The following PCDHA1 variants were observed in gnomAD, a reference collection of about 807,000 sequenced individuals.
PCDHA1 encodes protocadherin alpha 1, also known as protocadherin alpha-1.
Under a neutral mutation model 61.3 loss-of-function variants are expected in PCDHA1, and 42 were observed. That is an observed-to-expected ratio of 0.69 (90% CI 0.54 to 0.89). The LOEUF (loss-of-function observed/expected upper bound fraction) is 0.89, where lower values mean the gene tolerates loss of function less well. PCDHA1 is among the 40% of genes least tolerant of loss of function. The pLI, the probability that PCDHA1 is intolerant of heterozygous loss-of-function variation, is 0.00. For synonymous variants in PCDHA1, 610 were observed against 553.8 expected (o/e 1.10, Z -1.43); for missense variants, 1,256 against 1,235.3 (o/e 1.02, Z -0.25).
At chr5:140,924,895 AAAAAAAAAAAT>A (rs1321698386) in intron 1 of PCDHA1, among the ~76,000 whole-genome samples, 1,704 of 132,168 alleles carry the variant, frequency 0.013, 31 homozygotes, top group African/African-American at 0.056. Flanking sequence ...AACCTGTCTC[AAAAAAAAAAAT>A]AAAATAAAAT....
intron 1 of PCDHA1, among the ~76,000 whole-genome samples, chr5:140,838,259 G>T (rs975965491): frequency 6.8e-6 from 1 of 146,930 alleles, no homozygotes; most frequent in Admixed American, 6.9e-5. Flanking sequence ...GATTAAAGAC[G>T]CCAACAACCA....
intron 1 of PCDHA1, chr5:140,828,167 G>T (rs2150151697): frequency 2.5e-6 from 4 of 1,614,056 alleles, no homozygotes; most frequent in Non-Finnish European, 3.4e-6. Context: ...AGCCTGGAAG[G>T]TGGGGAGCGG....
chr5:140,863,120 C>T, intron 1 of PCDHA1: 4 of 591,460 alleles, frequency 6.8e-6, no homozygotes, highest in Non-Finnish European at 1.0e-5. Context: ...GCGAAAGCTA[C>T]GCGCCACCGC....
intron 1 of PCDHA1, chr5:140,808,873 G>T (rs782251323): frequency 3.7e-6 from 6 of 1,613,080 alleles, no homozygotes; most frequent in Non-Finnish European, 5.1e-6. Flanking sequence ...ACGACAACGC[G>T]CCAGCACTGC....
chr5:140,870,766 C>T, intron 1 of PCDHA1: 1 of 1,613,562 alleles, frequency 6.2e-7, no homozygotes, highest in Non-Finnish European at 8.5e-7. Context: ...GGTGTTCGTG[C>T]TGGACGAGAA....
chr5:140,928,474 C>T, intron 1 of PCDHA1: 1 of 1,614,090 alleles, frequency 6.2e-7, no homozygotes, highest in Non-Finnish European at 8.5e-7. Flanking sequence ...AGTAGAAGGC[C>T]GGGATGGTGG....
chr5:140,893,781 G>A (rs113070458), intron 1 of PCDHA1, among the ~76,000 whole-genome samples: 3 of 151,996 alleles, frequency 2.0e-5, no homozygotes, highest in African/African-American at 4.8e-5. Flanking sequence ...TTCTTTTACC[G>A]TTTTTAGAAT....
intron 3 of PCDHA1, among the ~76,000 whole-genome samples, chr5:141,005,862 G>A (rs376850991): frequency 6.6e-6 from 1 of 152,012 alleles, no homozygotes; most frequent in Non-Finnish European, 1.5e-5. Flanking sequence ...CAGGAGGGTC[G>A]ATTGAGTCCA....
At chr5:140,925,190 A>G (rs2082378036) in intron 1 of PCDHA1, among the ~76,000 whole-genome samples, 1 of 152,192 alleles carries the variant, frequency 6.6e-6, no homozygotes, top group Non-Finnish European at 1.5e-5. Context: ...ACCATCACCC[A>G]GCTTCAATAA....
intron 1 of PCDHA1, among the ~76,000 whole-genome samples, chr5:140,911,105 G>A (rs960375597): frequency 3.2e-4 from 48 of 152,082 alleles, no homozygotes; most frequent in African/African-American, 1.2e-3. Flanking sequence ...CTGCCTCAGG[G>A]GAAGCCATCA....
intron 1 of PCDHA1, chr5:140,796,977 A>G (rs147392568): frequency 7.3e-4 from 1,171 of 1,613,746 alleles, no homozygotes; most frequent in Non-Finnish European, 9.2e-4. Flanking sequence ...CGTTGGTGGA[A>G]AGTGGCCAGG....
At chr5:140,860,143 GTA>G (rs1352808505) in intron 1 of PCDHA1, 2 of 148,758 alleles carry the variant, frequency 1.3e-5, no homozygotes, top group Non-Finnish European at 3.0e-5. Flanking sequence ...GTATATATAT[GTA>G]TATATGTGTA....
Position 140,801,859 on chromosome 5 carries a change from A to T in PCDHA1, c.2394+13175A>T, listed in dbSNP as rs781796006. ...ACAGCAATTGATGGTGGGAAACCAG[A>T]GCTCACTGGCACGACTCAACTAAAG... On this transcript the variant is annotated intron_variant, in intron 1 of 3. Transcript: ENST00000504120. 4.3e-6 allele frequency: 7 copies of T among 1,614,142 alleles called. No homozygotes were observed. The South Asian group carries it at 6.6e-5, about 15-fold the overall frequency.
At chr5:140,997,668 T>TTA (rs2097778675) in intron 3 of PCDHA1, among the ~76,000 whole-genome samples, 1 of 148,244 alleles carries the variant, frequency 6.7e-6, no homozygotes, top group African/African-American at 2.5e-5. Flanking sequence ...ATTATACAGC[T>TTA]TGTGTGTGTG....
chr5:140,796,134 G>T, intron 1 of PCDHA1: 2 of 1,614,140 alleles, frequency 1.2e-6, no homozygotes, highest in African/African-American at 1.3e-5. Flanking sequence ...GCTCCCTGAC[G>T]CCCCACGTCC....
intron 1 of PCDHA1, among the ~76,000 whole-genome samples, chr5:140,947,932 T>G (rs1444320082): frequency 1.3e-5 from 2 of 151,584 alleles, no homozygotes; most frequent in African/African-American, 4.8e-5. Flanking sequence ...CCTGATCTTA[T>G]GAGAAAAGTG....
intron 1 of PCDHA1, chr5:140,822,508 AT>A: frequency 6.2e-7 from 1 of 1,613,962 alleles, no homozygotes; most frequent in Non-Finnish European, 8.5e-7. Flanking sequence ...TGATAAATCC[AT>A]TTATAATGTC....
intron 1 of PCDHA1, among the ~76,000 whole-genome samples, chr5:140,879,121 G>C (rs148259888): frequency 6.6e-6 from 1 of 152,330 alleles, no homozygotes; most frequent in Non-Finnish European, 1.5e-5. Context: ...TGAAGGATTA[G>C]AGCAGGGGAG....
Position 140,946,525 on chromosome 5 carries a change from A to G in PCDHA1, c.2395-32424A>G, listed in dbSNP as rs115610574. On this transcript the variant is annotated intron_variant, in intron 1 of 3. Transcript: ENST00000504120. ...ATGTCAAAGACCTATCCGCACTCCC[A>G]TGTTCATTGCAGCATTATTCATGAT... 6.9e-3 allele frequency among the ~76,000 whole-genome samples: 1,050 copies of G among 151,290 alleles called. 19 individuals carry two copies. The highest frequency in any genetic ancestry group is 0.024 in the African/African-American group (983 of 41,050).
Sources: gnomAD v4.1 joint callset for allele counts (sites outside exome capture counted in the v4.1 genomes callset) on GRCh38, gnomAD v4.1.1 for gene constraint, MANE v1.5 for transcripts, NCBI Gene and HGNC (gene_info 2026-07-23, HGNC 2026-07-21) for gene names.